LGSN: variants seen among roughly 807,000 people sequenced by gnomAD.
LGSN encodes the protein lengsin, lens protein with glutamine synthetase domain.
Under a neutral mutation model 19.5 loss-of-function variants are expected in LGSN, and 21 were observed. That is an observed-to-expected ratio of 1.07 (90% CI 0.76 to 1.55). LGSN has a LOEUF of 1.55. Among genes scored for constraint, LGSN ranks in the 40% most tolerant of loss-of-function variants. The pLI, the probability that LGSN is intolerant of heterozygous loss-of-function variation, is 0.00. For missense variants in LGSN, 673 were observed against 608.5 expected (o/e 1.11, Z -1.12); for synonymous variants, 257 against 215.6 (o/e 1.19, Z -1.68).
chr6:63,285,046 T>A (rs929122123), intron 3 of LGSN, among the ~76,000 whole-genome samples: 13 of 152,144 alleles, frequency 8.5e-5, no homozygotes, highest in African/African-American at 1.7e-4. Context: ...ATTAAGGAAG[T>A]CTCAAAACAA....
the LGSN span, chr6:63,440,651 G>C: frequency 6.6e-6 from 1 of 152,224 alleles, no homozygotes; most frequent in African/African-American, 2.4e-5. Context: ...AGGCGACAGA[G>C]GGCTCAGGTG....
chr6:63,297,671 A>AG (rs1365343211), intron 1 of LGSN, among the ~76,000 whole-genome samples: 1 of 152,146 alleles, frequency 6.6e-6, no homozygotes, highest in Non-Finnish European at 1.5e-5. Flanking sequence ...CAGATGATTG[A>AG]GGTTTGGGTT....
upstream of LGSN, among the ~76,000 whole-genome samples, chr6:63,321,331 G>A (rs746757199): frequency 3.3e-5 from 5 of 152,034 alleles, no homozygotes; most frequent in African/African-American, 7.2e-5. Flanking sequence ...GAAAAATTTC[G>A]TTTTTGTTTC....
chr6:63,372,422 T>G, the LGSN span, among the ~76,000 whole-genome samples: 4 of 152,206 alleles, frequency 2.6e-5, no homozygotes, highest in African/African-American at 9.6e-5. Context: ...CCTAACTCAC[T>G]TCAAATAAAT....
chr6:63,541,427 C>T, the LGSN span, among the ~76,000 whole-genome samples: 1 of 152,048 alleles, frequency 6.6e-6, no homozygotes, highest in African/African-American at 2.4e-5. Context: ...GTGGCAGGTG[C>T]CTATAATTCC....
chr6:63,389,067 T>C, the LGSN span, among the ~76,000 whole-genome samples: 1 of 152,204 alleles, frequency 6.6e-6, no homozygotes. Context: ...CTAACCCTTA[T>C]AAGTATTCAT....
chr6:63,367,818 A>C, the LGSN span, among the ~76,000 whole-genome samples: 1 of 151,830 alleles, frequency 6.6e-6, no homozygotes. Flanking sequence ...GGAAACCATC[A>C]TTCTGAGCAA....
At chr6:63,332,440 G>T in the LGSN span, among the ~76,000 whole-genome samples, 5,060 of 152,146 alleles carry the variant, frequency 0.033, 282 homozygotes, top group African/African-American at 0.12. Flanking sequence ...GCTCATGGCC[G>T]CAGGGTCAAC....
chr6:63,285,228 T>C (rs959762311), intron 3 of LGSN, among the ~76,000 whole-genome samples: 1 of 152,246 alleles, frequency 6.6e-6, no homozygotes, highest in Non-Finnish European at 1.5e-5. Context: ...TGTTTGCTTT[T>C]GGGTCTTCTG....
chr6:63,422,627 CAT>C, the LGSN span, among the ~76,000 whole-genome samples: 1 of 152,078 alleles, frequency 6.6e-6, no homozygotes, highest in African/African-American at 2.4e-5. Flanking sequence ...GTATATATAA[CAT>C]ATTACCTTTC....
the LGSN span, among the ~76,000 whole-genome samples, chr6:63,371,918 GC>G: frequency 2.6e-5 from 4 of 152,256 alleles, no homozygotes; most frequent in African/African-American, 9.6e-5. Context: ...TCTTCCCTTT[GC>G]AGAGTAAATA....
the LGSN span, among the ~76,000 whole-genome samples, chr6:63,394,250 C>A: frequency 8.6e-5 from 13 of 152,042 alleles, no homozygotes; most frequent in Non-Finnish European, 1.6e-4. Flanking sequence ...GGCAACAGAG[C>A]GAGACTCTGT....
the LGSN span, among the ~76,000 whole-genome samples, chr6:63,377,569 A>G: frequency 6.6e-6 from 1 of 152,214 alleles, no homozygotes; most frequent in South Asian, 2.1e-4. Context: ...AGAAGATCAA[A>G]ATAAGCTTCC....
the LGSN span, among the ~76,000 whole-genome samples, chr6:63,409,317 T>C: frequency 6.6e-6 from 1 of 152,234 alleles, no homozygotes; most frequent in Non-Finnish European, 1.5e-5. Flanking sequence ...TTTAGATATA[T>C]TAATAACCAC....
chr6:63,317,990 T>C (rs1768930614), intron 1 of LGSN, among the ~76,000 whole-genome samples: 1 of 152,180 alleles, frequency 6.6e-6, no homozygotes, highest in South Asian at 2.1e-4. Context: ...TGCCACTCTT[T>C]CACTCAATTT....
the LGSN span, among the ~76,000 whole-genome samples, chr6:63,436,883 A>G: frequency 6.6e-6 from 1 of 150,968 alleles, no homozygotes; most frequent in African/African-American, 2.4e-5. Context: ...CAAAAATACA[A>G]AAAAATAGCT....
chr6:63,428,982 C>T, the LGSN span, among the ~76,000 whole-genome samples: 1 of 152,188 alleles, frequency 6.6e-6, no homozygotes, highest in East Asian at 1.9e-4. Flanking sequence ...GAGTTTGAGG[C>T]CAGCCTGGGC....
At chr6:63,527,195 G>C in the LGSN span, among the ~76,000 whole-genome samples, 1 of 152,120 alleles carries the variant, frequency 6.6e-6, no homozygotes, top group Admixed American at 6.6e-5. Context: ...CTCAGAATTA[G>C]TCTGCTTTGA....
At chr6:63,374,170 GA>G in the LGSN span, among the ~76,000 whole-genome samples, 3 of 148,962 alleles carry the variant, frequency 2.0e-5, no homozygotes, top group East Asian at 3.9e-4. Context: ...AAATTATTCA[GA>G]AAAAAAAACA....
Sources: allele counts gnomAD v4.1 joint callset (sites outside exome capture counted in the v4.1 genomes callset), GRCh38; gene constraint gnomAD v4.1.1; transcripts MANE v1.5; gene names NCBI Gene and HGNC (gene_info 2026-07-23, HGNC 2026-07-21).